HECW2: variants seen among roughly 807,000 people sequenced by gnomAD.
HECW2 encodes the protein E3 ubiquitin-protein ligase HECW2.
In HECW2, 61 loss-of-function variants were observed where a neutral mutation model predicts 175.2. The ratio of observed to expected loss-of-function variants is 0.35; its 90% CI spans 0.28 to 0.43. The LOEUF (loss-of-function observed/expected upper bound fraction) is 0.43, where lower values mean the gene tolerates loss of function less well. Among genes scored for constraint, HECW2 ranks in the 20% least tolerant of loss-of-function variants. The pLI, the probability that HECW2 is intolerant of heterozygous loss-of-function variation, is 1.00. For synonymous variants in HECW2, 671 were observed against 731.0 expected (o/e 0.92, Z 1.32); for missense variants, 1,524 against 2,000.5 (o/e 0.76, Z 4.54).
intron 13 of HECW2, among the ~76,000 whole-genome samples, chr2:196,294,321 T>G (rs2105649064): frequency 6.6e-6 from 1 of 152,330 alleles, no homozygotes; most frequent in Middle Eastern, 3.4e-3. Context: ...ATGATATTCA[T>G]GAAACTGACC....
intron 14 of HECW2, among the ~76,000 whole-genome samples, chr2:196,283,475 A>C (rs1690266563): frequency 6.6e-6 from 1 of 150,846 alleles, no homozygotes; most frequent in African/African-American, 2.4e-5. Flanking sequence ...TCCCAGGTTC[A>C]AGTGACTCTC....
intron 17 of HECW2, among the ~76,000 whole-genome samples, chr2:196,265,148 T>C (rs529910424): frequency 6.6e-6 from 1 of 152,270 alleles, no homozygotes; most frequent in South Asian, 2.1e-4. Flanking sequence ...GGAAACAATG[T>C]GACAGCACCA....
chr2:196,320,632 G>A (rs1294364767), intron 7 of HECW2, among the ~76,000 whole-genome samples, 193 bp from the exon 8 acceptor site: 2 of 152,102 alleles, frequency 1.3e-5, no homozygotes, highest in Non-Finnish European at 2.9e-5. Flanking sequence ...TTATAAACCC[G>A]GAGATAAAAG....
intron 2 of HECW2, among the ~76,000 whole-genome samples, chr2:196,418,634 T>A (rs180673394): frequency 1.3e-5 from 2 of 152,188 alleles, no homozygotes; most frequent in Non-Finnish European, 2.9e-5. Flanking sequence ...AACAAGAGAA[T>A]AAGAAAAGAC....
chr2:196,343,089 T>C (rs1033507125), intron 3 of HECW2, among the ~76,000 whole-genome samples: 1 of 151,828 alleles, frequency 6.6e-6, no homozygotes, highest in Non-Finnish European at 1.5e-5. Context: ...TGTGTGTGTA[T>C]ATACATATAC....
At chr2:196,231,011 G>C (rs533608931) in intron 21 of HECW2, among the ~76,000 whole-genome samples, 3 of 134,872 alleles carry the variant, frequency 2.2e-5, no homozygotes, top group Admixed American at 8.4e-5. Context: ...GCTGAGGCAG[G>C]AGAATCACTT....
In HECW2 at chr2:196,199,606, A is replaced by G. The variant is rs1686791918; in HGVS notation, c.*1671T>C. The G allele has an allele frequency of 6.6e-6, 1 of 152,608 alleles. No homozygotes were observed. Among genetic ancestry groups the G allele is most frequent in the Admixed American group, 6.5e-5 (1 of 15,276 alleles). The allele number at this position is 152,608 out of a possible 1,614,324, so 9.5% of individuals were successfully genotyped here. A position where few individuals can be genotyped will look rare whatever the true frequency, so the allele number is the denominator to read the frequency against. On this transcript the variant is annotated 3_prime_UTR_variant, in exon 29 of 29. Coordinates refer to ENST00000644978, the MANE Select transcript of HECW2 (RefSeq NM_001348768.2). ...AGGAATTCCATGGCTGCTTATAAATATAGATCTCAAAGAAATGTTTGGGCA... is the reference window on the plus strand; with the variant it reads ...AGGAATTCCATGGCTGCTTATAAATGTAGATCTCAAAGAAATGTTTGGGCA...
intron 1 of HECW2, among the ~76,000 whole-genome samples, chr2:196,514,141 T>C (rs1688058188): frequency 1.3e-5 from 2 of 152,164 alleles, no homozygotes; most frequent in South Asian, 2.1e-4. Flanking sequence ...CCCAACCCCA[T>C]AGTCTCAGAA....
At chr2:196,470,341 A>C (rs929311116) in intron 1 of HECW2, among the ~76,000 whole-genome samples, 10 of 152,286 alleles carry the variant, frequency 6.6e-5, no homozygotes, top group African/African-American at 1.2e-4. Flanking sequence ...AAATATATTA[A>C]GTAAATAAAT....
chr2:196,248,576 TGAGA>T (rs60292936), intron 19 of HECW2, among the ~76,000 whole-genome samples: 7 of 140,994 alleles, frequency 5.0e-5, no homozygotes, highest in African/African-American at 1.4e-4. Flanking sequence ...GAGGGACAGA[TGAGA>T]GAGAGAGAGA....
At chr2:196,418,430 A>G (rs1260676494) in intron 2 of HECW2, among the ~76,000 whole-genome samples, 1 of 152,150 alleles carries the variant, frequency 6.6e-6, no homozygotes, top group Non-Finnish European at 1.5e-5. Flanking sequence ...GCCCGGCCAG[A>G]TGATCACTTC....
rs570640123 is a variant in HECW2, at chr2:196,235,149, G to A, written c.3764+5300C>T. On this transcript the variant is annotated intron_variant, in intron 21 of 28. Transcript: ENST00000644978. The stretch of plus-strand genomic sequence containing the variant: ...GTCTCGCTCTGTCGCCCAGGCTGGA[G>A]TGCAGTGGTGTGATCTCAGCTCACT... 3.6e-4 allele frequency among the ~76,000 whole-genome samples: 54 copies of A among 148,886 alleles called. No individual in the cohort carries two copies. The South Asian group carries it at 3.8e-3, about 11-fold the overall frequency.
At chr2:196,519,179 G>A (rs573911139) in intron 1 of HECW2, among the ~76,000 whole-genome samples, 1 of 152,304 alleles carries the variant, frequency 6.6e-6, no homozygotes, top group South Asian at 2.1e-4. Context: ...AACAAAGTGG[G>A]AAGGGGCTAA....
rs187667787 is a variant in HECW2 at position 196,387,697 on chromosome 2, G to T, written c.293-43933C>A. On this transcript the variant is annotated intron_variant, in intron 2 of 28. Coordinates refer to ENST00000644978, the MANE Select transcript of HECW2 (RefSeq NM_001348768.2). The stretch of plus-strand genomic sequence containing the variant: ...AGATATATCTACATATCTATATATA[G>T]AGAGAGATATATATATCTCCAGGGA... 3.3e-3 allele frequency among the ~76,000 whole-genome samples: 498 copies of T among 152,178 alleles called. 1 individual carries two copies. The highest frequency in any genetic ancestry group is 0.027 in the Middle Eastern group (8 of 294).
chr2:196,486,605 G>A (rs1176177481), intron 1 of HECW2, among the ~76,000 whole-genome samples: 1 of 152,222 alleles, frequency 6.6e-6, no homozygotes, highest in Non-Finnish European at 1.5e-5. Context: ...TCCCCTGGAA[G>A]AGACAGAAAT....
At chr2:196,580,594 T>C (rs1690739507) in intron 1 of HECW2, among the ~76,000 whole-genome samples, 1 of 150,390 alleles carries the variant, frequency 6.6e-6, no homozygotes, top group African/African-American at 2.4e-5. Flanking sequence ...ACATCATTAG[T>C]CATCATGGAA....
intron 1 of HECW2, among the ~76,000 whole-genome samples, chr2:196,447,215 T>C (rs1017869881): frequency 6.6e-6 from 1 of 152,242 alleles, no homozygotes; most frequent in African/African-American, 2.4e-5. Flanking sequence ...CCAATTGTTT[T>C]TTTTTAACAA....
chr2:196,408,116 A>G (rs2125221456), intron 2 of HECW2, among the ~76,000 whole-genome samples: 1 of 152,368 alleles, frequency 6.6e-6, no homozygotes, highest in East Asian at 1.9e-4. Context: ...CCTCTAAATC[A>G]GTACTCCAAT....
At chr2:196,475,747 G>A (rs1686577842) in intron 1 of HECW2, among the ~76,000 whole-genome samples, 1 of 152,202 alleles carries the variant, frequency 6.6e-6, no homozygotes, top group Non-Finnish European at 1.5e-5. Context: ...TTGGTTATCT[G>A]CCCATTTGTG....
Sources: gnomAD v4.1 joint callset for allele counts (sites outside exome capture counted in the v4.1 genomes callset) on GRCh38, gnomAD v4.1.1 for gene constraint, MANE v1.5 for transcripts, NCBI Gene and HGNC (gene_info 2026-07-23, HGNC 2026-07-21) for gene names.